The following ADAMTSL1 variants were observed in gnomAD, a reference collection of about 807,000 sequenced individuals.
ADAMTSL1 encodes the protein ADAMTS-like protein 1.
A neutral mutation model predicts 201.8 loss-of-function variants in ADAMTSL1; 126 were observed. The observed-to-expected ratio is 0.62, with a 90% CI of 0.54 to 0.72. The LOEUF (loss-of-function observed/expected upper bound fraction) is 0.72, where lower values mean the gene tolerates loss of function less well. Ranked by LOEUF, ADAMTSL1 falls within the 30% of genes least tolerant of loss-of-function variation. The probability of loss-of-function intolerance (pLI) is 0.00; values close to 1 mark genes in which losing one functional copy is unlikely to be tolerated. For missense variants in ADAMTSL1, 2,679 were observed against 2,277.8 expected (o/e 1.18, Z -3.59); for synonymous variants, 1,121 against 903.4 (o/e 1.24, Z -4.32).
At chr9:18,554,249 A>T (rs1183790484) in intron 3 of ADAMTSL1, among the ~76,000 whole-genome samples, 2 of 151,464 alleles carry the variant, frequency 1.3e-5, no homozygotes, top group Non-Finnish European at 3.0e-5. Flanking sequence ...AGCATGTTAA[A>T]TTTTTTTATT....
chr9:18,352,158 C>G (rs746508656), intron 2 of ADAMTSL1, among the ~76,000 whole-genome samples: 2 of 151,928 alleles, frequency 1.3e-5, no homozygotes, highest in Non-Finnish European at 2.9e-5. Flanking sequence ...ATAGTGTTAT[C>G]CTTAGTGCAT....
At chr9:18,575,679 G>A (rs76502249) in intron 4 of ADAMTSL1, among the ~76,000 whole-genome samples, 8 of 152,258 alleles carry the variant, frequency 5.3e-5, no homozygotes, top group Non-Finnish European at 8.8e-5. Flanking sequence ...CCCTATGTAT[G>A]TATACTGTTT....
intron 2 of ADAMTSL1, among the ~76,000 whole-genome samples, chr9:18,359,955 G>A (rs1280258448): frequency 6.6e-6 from 1 of 151,688 alleles, no homozygotes; most frequent in Non-Finnish European, 1.5e-5. Flanking sequence ...CAGCTCTATG[G>A]CAATAATACT....
At chr9:18,523,162 G>A (rs1818807687) in intron 2 of ADAMTSL1, among the ~76,000 whole-genome samples, 1 of 152,082 alleles carries the variant, frequency 6.6e-6, no homozygotes, top group Non-Finnish European at 1.5e-5. Flanking sequence ...ATCTCATTGT[G>A]GTTTTGATTT....
intron 23 of ADAMTSL1, among the ~76,000 whole-genome samples, chr9:18,844,304 A>G (rs952121569): frequency 6.6e-6 from 1 of 152,228 alleles, no homozygotes; most frequent in South Asian, 2.1e-4. Flanking sequence ...GGTCCACTCC[A>G]GACCCTGTTT....
At chr9:18,555,410 C>A (rs1385404860) in intron 3 of ADAMTSL1, among the ~76,000 whole-genome samples, 1 of 151,888 alleles carries the variant, frequency 6.6e-6, no homozygotes. Flanking sequence ...ATACTTAAAG[C>A]TATTATTTTT....
At chr9:18,647,565 C>A in intron 7 of ADAMTSL1, among the ~76,000 whole-genome samples, 2 of 151,818 alleles carry the variant, frequency 1.3e-5, no homozygotes, top group East Asian at 1.9e-4. Context: ...TGAATGTGTC[C>A]CAGAGAGTCT....
chr9:18,099,636 CTT>C (rs35621900), intron 1 of ADAMTSL1, among the ~76,000 whole-genome samples: 9,445 of 133,836 alleles, frequency 0.071, 381 homozygotes, highest in African/African-American at 0.15. Context: ...CTCTCTCTCC[CTT>C]TTTTTTTTTT....
intron 2 of ADAMTSL1, among the ~76,000 whole-genome samples, chr9:18,209,439 GGAGACCTATTATAAATATTT>G (rs908293621): frequency 1.3e-5 from 2 of 152,032 alleles, no homozygotes; most frequent in Non-Finnish European, 2.9e-5. Flanking sequence ...AACACTCATT[GGAGACCTATTATAAATATTT>G]AGACCATGGA....
chr9:18,838,621 A>G (rs570659607), intron 23 of ADAMTSL1, among the ~76,000 whole-genome samples: 30 of 152,222 alleles, frequency 2.0e-4, no homozygotes, highest in Non-Finnish European at 2.9e-4. Context: ...GAGGTCAAGC[A>G]TTTAAGACCA....
chr9:18,332,919 T>C (rs763286029), intron 2 of ADAMTSL1, among the ~76,000 whole-genome samples: 4 of 152,158 alleles, frequency 2.6e-5, no homozygotes, highest in Non-Finnish European at 5.9e-5. Context: ...TTAACGAGCA[T>C]CTGAGTCTGT....
intron 2 of ADAMTSL1, among the ~76,000 whole-genome samples, chr9:18,434,124 T>C (rs1330600633): frequency 2.6e-5 from 4 of 152,180 alleles, no homozygotes; most frequent in African/African-American, 7.2e-5. Flanking sequence ...ATAGAGGGAA[T>C]ACATGTGTAT....
chr9:18,258,705 G>C (rs1360922602), intron 2 of ADAMTSL1, among the ~76,000 whole-genome samples: 2 of 152,138 alleles, frequency 1.3e-5, no homozygotes, highest in African/African-American at 4.8e-5. Flanking sequence ...TAGCGCTTCT[G>C]TGTGCTTACA....
intron 1 of ADAMTSL1, among the ~76,000 whole-genome samples, chr9:17,934,375 C>T (rs1305322086): frequency 6.6e-6 from 1 of 152,058 alleles, no homozygotes; most frequent in African/African-American, 2.4e-5. Context: ...TTTTTATGAC[C>T]TTACTTCCCT....
intron 1 of ADAMTSL1, among the ~76,000 whole-genome samples, chr9:18,101,923 T>C (rs771053996): frequency 1.3e-5 from 2 of 152,118 alleles, no homozygotes; most frequent in African/African-American, 2.4e-5. Context: ...TGTGTATAGG[T>C]GTAAGTAGTG....
intron 2 of ADAMTSL1, among the ~76,000 whole-genome samples, chr9:18,192,496 T>C (rs1829009337): frequency 6.6e-6 from 1 of 152,152 alleles, no homozygotes; most frequent in African/African-American, 2.4e-5. Flanking sequence ...GAGTGGAGTA[T>C]TAAGCTTGCT....
At chr9:18,417,367 GAAA>G (rs80226819) in intron 2 of ADAMTSL1, among the ~76,000 whole-genome samples, 1 of 64,688 alleles carries the variant, frequency 1.5e-5, no homozygotes, top group Non-Finnish European at 3.2e-5. Flanking sequence ...AAGTAAGCAG[GAAA>G]AAAAAAAAAA....
chr9:17,987,983 C>G (rs557887840), intron 1 of ADAMTSL1, among the ~76,000 whole-genome samples: 2 of 152,088 alleles, frequency 1.3e-5, no homozygotes, highest in East Asian at 3.9e-4. Flanking sequence ...CTATGACAAA[C>G]GTGTTTTGGT....
At chr9:18,173,790 G>C (rs1828012315) in intron 2 of ADAMTSL1, among the ~76,000 whole-genome samples, 1 of 152,122 alleles carries the variant, frequency 6.6e-6, no homozygotes, top group Non-Finnish European at 1.5e-5. Context: ...TAACACGTGT[G>C]AATTTTATTA....
Sources: gnomAD v4.1 joint callset for allele counts (sites outside exome capture counted in the v4.1 genomes callset) on GRCh38, gnomAD v4.1.1 for gene constraint, MANE v1.5 for transcripts, NCBI Gene and HGNC (gene_info 2026-07-23, HGNC 2026-07-21) for gene names.